KIAA2012: variants seen among roughly 807,000 people sequenced by gnomAD.
KIAA2012 encodes the protein uncharacterized protein KIAA2012.
Under a neutral mutation model 150.6 loss-of-function variants are expected in KIAA2012, and 125 were observed. The observed-to-expected ratio is 0.83, with a 90% CI of 0.72 to 0.96. The LOEUF (loss-of-function observed/expected upper bound fraction) is 0.96. KIAA2012 is among the 40% of genes least tolerant of loss of function. The probability of loss-of-function intolerance (pLI) is 0.00; values close to 1 mark genes in which losing one functional copy is unlikely to be tolerated. For synonymous variants in KIAA2012, 462 were observed against 504.7 expected (o/e 0.92, Z 1.13); for missense variants, 1,219 against 1,354.9 (o/e 0.90, Z 1.57).
At chr2:202,116,465 CTT>C (rs746305557) in intron 11 of KIAA2012, 12 of 58,002 alleles carry the variant, frequency 2.1e-4, no homozygotes, top group Non-Finnish European at 2.5e-4. Flanking sequence ...CCATGCCCGG[CTT>C]TTTTTTTTTT....
chr2:202,173,438 A>G (rs1284150542), intron 15 of KIAA2012, among the ~76,000 whole-genome samples: 3 of 152,108 alleles, frequency 2.0e-5, no homozygotes, highest in African/African-American at 7.2e-5. Flanking sequence ...GCGTGGTGGC[A>G]CGTGCCTGTA....
chr2:202,073,519 G>C lies in KIAA2012; in HGVS notation c.-109G>C. On this transcript the variant is annotated 5_prime_UTR_variant, in exon 1 of 24. Coordinates refer to ENST00000498697, the MANE Select transcript of KIAA2012 (RefSeq NM_001277372.4). ...GTATTTAATAAAAGGCCCTGTGTTT[G>C]TGGTCTTCTTGGGCTTGCTGTGAGC... 1.2e-6 allele frequency: 1 copy of C among 862,930 alleles called. No homozygotes were observed. Among genetic ancestry groups the C allele is most frequent in the Non-Finnish European group, 1.8e-6 (1 of 553,020 alleles). The allele number at this position is 862,930 out of a possible 1,614,324, so 53.5% of individuals were successfully genotyped here.
chr2:202,204,079 T>C (rs1268093248), intron 23 of KIAA2012, among the ~76,000 whole-genome samples: 2 of 10,520 alleles, frequency 1.9e-4, no homozygotes, highest in Admixed American at 7.7e-4. Context: ...GTTTTTTGTT[T>C]TTTTTTTTTT....
At chr2:202,200,454 G>A (rs1247507835) in intron 22 of KIAA2012, among the ~76,000 whole-genome samples, 1 of 152,002 alleles carries the variant, frequency 6.6e-6, no homozygotes, top group Non-Finnish European at 1.5e-5. Flanking sequence ...GGGTTTCAGA[G>A]GATCCTTATG....
intron 12 of KIAA2012, chr2:202,136,172 T>C (rs1251653436): frequency 4.6e-6 from 1 of 216,530 alleles, no homozygotes; most frequent in Non-Finnish European, 9.8e-6. Flanking sequence ...TCTCGCTGAC[T>C]TCAGGAGTGA....
intron 15 of KIAA2012, among the ~76,000 whole-genome samples, chr2:202,173,834 C>T (rs989905477): frequency 1.1e-4 from 16 of 152,174 alleles, no homozygotes; most frequent in Admixed American, 8.5e-4. Flanking sequence ...AAATAAAATT[C>T]ACCCATTCCC....
chr2:202,184,669 A>G (rs553125301), intron 15 of KIAA2012, 84 bp from the exon 16 acceptor site: 79 of 916,744 alleles, frequency 8.6e-5, no homozygotes, highest in Non-Finnish European at 1.1e-4. Context: ...TTGGCTACTC[A>G]CCAGGTAGAT....
chr2:202,093,438 T>C (rs1284056305), intron 4 of KIAA2012, among the ~76,000 whole-genome samples: 1 of 152,242 alleles, frequency 6.6e-6, no homozygotes, highest in Non-Finnish European at 1.5e-5. Flanking sequence ...AATGTAGCAG[T>C]ACAACAGTGA....
intron 15 of KIAA2012, among the ~76,000 whole-genome samples, chr2:202,170,208 G>C (rs1691856521): frequency 6.6e-6 from 1 of 152,206 alleles, no homozygotes; most frequent in African/African-American, 2.4e-5. Context: ...AGAGCTCAAT[G>C]GGTCAAGATG....
intron 12 of KIAA2012, chr2:202,136,028 C>T (rs768996643): frequency 1.1e-5 from 4 of 377,934 alleles, no homozygotes; most frequent in South Asian, 8.0e-5. Flanking sequence ...AACAGAGTCT[C>T]ACTCTGTTGT....
rs572251481 is a variant in KIAA2012, at chr2:202,074,923, T to C, written c.117T>C (p.Tyr39=). ...DYLNWRSPED[Y]VPVSKPQDKN... ...TGAACTGGAGGTCCCCAGAAGACTATGTTCCTGTCAGCAAACCTCAAGATA... is the reference window on the plus strand; with the variant it reads ...TGAACTGGAGGTCCCCAGAAGACTACGTTCCTGTCAGCAAACCTCAAGATA... Residue 39 remains tyrosine (Y), a synonymous_variant, in exon 2 of 24, where the codon TAT becomes TAC. Coordinates refer to ENST00000498697, the MANE Select transcript of KIAA2012 (RefSeq NM_001277372.4). The C allele has an allele frequency of 5.7e-5, 89 of 1,550,654 alleles. No homozygotes were observed. In the African/African-American group the frequency reaches 1.1e-3, roughly 20 times the overall value.
At chr2:202,136,250 C>T (rs1691056992) in intron 12 of KIAA2012, 1 of 162,124 alleles carries the variant, frequency 6.2e-6, no homozygotes, top group Non-Finnish European at 1.4e-5. Flanking sequence ...TTCGTTCTTT[C>T]CGGTGGGTTC....
At chr2:202,125,104 G>A (rs1345003727) in intron 11 of KIAA2012, 110 bp from the exon 12 acceptor site, 1 of 868,150 alleles carries the variant, frequency 1.2e-6, no homozygotes. Flanking sequence ...TCATTGCAAA[G>A]CTTAAACACT....
chr2:202,166,563 G>C (rs77724548), intron 15 of KIAA2012, among the ~76,000 whole-genome samples: 303 of 151,656 alleles, frequency 2.0e-3, no homozygotes, highest in African/African-American at 7.1e-3. Flanking sequence ...GAGGCAGGAG[G>C]ATCATTGGAG....
intron 7 of KIAA2012, among the ~76,000 whole-genome samples, chr2:202,102,592 T>G (rs1182197180): frequency 1.3e-5 from 2 of 152,348 alleles, no homozygotes; most frequent in Non-Finnish European, 2.9e-5. Context: ...CTTAACAGCA[T>G]ATGCTGAGAT....
At chr2:202,188,120 T>C in intron 17 of KIAA2012, 32 bp from the exon 18 acceptor site, 4 of 1,506,918 alleles carry the variant, frequency 2.7e-6, no homozygotes, top group Non-Finnish European at 3.6e-6. Context: ...CTATACATAT[T>C]ATGGTCCCCT....
intron 19 of KIAA2012, among the ~76,000 whole-genome samples, chr2:202,190,757 G>T (rs1331930694): frequency 6.6e-6 from 1 of 152,124 alleles, no homozygotes; most frequent in Non-Finnish European, 1.5e-5. Flanking sequence ...ACCCTTTAAA[G>T]AATAGGAAAT....
At chr2:202,125,695 C>T in intron 12 of KIAA2012, 1 of 358,356 alleles carries the variant, frequency 2.8e-6, no homozygotes, top group South Asian at 2.1e-5. Flanking sequence ...AAGACTCAGG[C>T]TTGTATTTTC....
At chr2:202,140,963 C>A (rs894809176) in intron 13 of KIAA2012, among the ~76,000 whole-genome samples, 1 of 152,044 alleles carries the variant, frequency 6.6e-6, no homozygotes, top group Non-Finnish European at 1.5e-5. Flanking sequence ...GCTAGCTGAG[C>A]GAGGGGAAGA....
Sources: allele counts gnomAD v4.1 joint callset (sites outside exome capture counted in the v4.1 genomes callset), GRCh38; gene constraint gnomAD v4.1.1; transcripts MANE v1.5; gene names NCBI Gene and HGNC (gene_info 2026-07-23, HGNC 2026-07-21).